The following RGS8 variants were observed in gnomAD, a reference collection of about 807,000 sequenced individuals.
RGS8 encodes the protein regulator of G protein signaling 8.
RGS8 carries 8 observed loss-of-function variants against 21.7 expected under a neutral mutation model. The ratio of observed to expected loss-of-function variants is 0.37; its 90% CI spans 0.22 to 0.66. RGS8 has a LOEUF of 0.66. RGS8 is among the 30% of genes least tolerant of loss of function. RGS8 has a pLI of 0.59. For synonymous variants in RGS8, 80 were observed against 83.6 expected (o/e 0.96, Z 0.24); for missense variants, 157 against 217.9 (o/e 0.72, Z 1.76).
the RGS8 span, among the ~76,000 whole-genome samples, chr1:182,732,261 T>A: frequency 9.7e-6 from 1 of 102,864 alleles, no homozygotes; most frequent in African/African-American, 4.6e-5. Context: ...TCTGTCTCGC[T>A]CTCTCTCTCA....
the RGS8 span, among the ~76,000 whole-genome samples, chr1:182,746,440 A>G: frequency 6.6e-6 from 1 of 152,108 alleles, no homozygotes; most frequent in Non-Finnish European, 1.5e-5. Context: ...GCCAAGGCAG[A>G]CAGATCACTT....
Position 182,650,201 on chromosome 1 carries a change from C to T in RGS8, c.194-1898G>A, listed in dbSNP as rs539598024. On this transcript the variant is annotated intron_variant, in intron 5 of 6. Transcript: ENST00000483095. ...CTGGGATTACAGGCGTGAGCCACCA[C>T]GCCCGGCCAACAACTCTTAATTCTA... Among the ~76,000 whole-genome samples, 11 of 152,310 alleles carry T rather than the reference C, an allele frequency of 7.2e-5. No homozygotes were observed. The East Asian group carries it at 1.4e-3, about 19-fold the overall frequency.
At chr1:182,720,911 G>A in the RGS8 span, among the ~76,000 whole-genome samples, 1 of 85,672 alleles carries the variant, frequency 1.2e-5, no homozygotes, top group African/African-American at 6.5e-5. Flanking sequence ...ACATATGTGT[G>A]TGTATATACA....
the RGS8 span, among the ~76,000 whole-genome samples, chr1:182,727,479 A>G: frequency 1.3e-5 from 2 of 152,220 alleles, no homozygotes; most frequent in Non-Finnish European, 2.9e-5. Flanking sequence ...AGGGAGTAAA[A>G]TTGACATTCT....
At chr1:182,655,634 T>G (rs537449904) in intron 5 of RGS8, among the ~76,000 whole-genome samples, 2 of 152,302 alleles carry the variant, frequency 1.3e-5, no homozygotes, top group South Asian at 4.1e-4. Context: ...TGTGTGACTT[T>G]GGACAACACA....
chr1:182,741,430 C>T, the RGS8 span, among the ~76,000 whole-genome samples: 3 of 132,464 alleles, frequency 2.3e-5, no homozygotes, highest in South Asian at 5.0e-4. Flanking sequence ...ACCTCCCTCC[C>T]GGACAGGGCG....
the RGS8 span, among the ~76,000 whole-genome samples, chr1:182,694,318 C>A: frequency 6.6e-6 from 1 of 152,128 alleles, no homozygotes; most frequent in Non-Finnish European, 1.5e-5. Flanking sequence ...GCCCAAATGT[C>A]TAATCTTCCC....
At chr1:182,740,872 T>C in the RGS8 span, among the ~76,000 whole-genome samples, 208 of 152,086 alleles carry the variant, frequency 1.4e-3, 1 homozygote, top group African/African-American at 4.9e-3. Flanking sequence ...GGGTTGGGGG[T>C]AAGGTCACCT....
At chr1:182,666,566 T>C (rs1232239309) in intron 4 of RGS8, among the ~76,000 whole-genome samples, 2 of 151,952 alleles carry the variant, frequency 1.3e-5, no homozygotes, top group African/African-American at 4.8e-5. Flanking sequence ...ATTTCCAAAT[T>C]GAGAGCTCAG....
At chr1:182,697,267 T>C in the RGS8 span, among the ~76,000 whole-genome samples, 2 of 152,278 alleles carry the variant, frequency 1.3e-5, no homozygotes, top group Non-Finnish European at 2.9e-5. Flanking sequence ...TACTTGAATT[T>C]ATTTCTAGAG....
At chr1:182,698,852 C>T in the RGS8 span, among the ~76,000 whole-genome samples, 5 of 152,178 alleles carry the variant, frequency 3.3e-5, no homozygotes, top group Non-Finnish European at 7.3e-5. Flanking sequence ...GCACAGAATT[C>T]ACTGCATAAA....
downstream of RGS8, chr1:182,643,472 G>T (rs190910546): frequency 6.6e-6 from 1 of 152,030 alleles, no homozygotes; most frequent in African/African-American, 2.4e-5. Flanking sequence ...TTCTGGGGTG[G>T]GACCTGGACA....
At chr1:182,733,273 T>C in the RGS8 span, among the ~76,000 whole-genome samples, 1 of 152,214 alleles carries the variant, frequency 6.6e-6, no homozygotes. Context: ...AATATTCAAG[T>C]GTGTTAAATA....
chr1:182,719,228 G>A, the RGS8 span, among the ~76,000 whole-genome samples: 3 of 152,172 alleles, frequency 2.0e-5, no homozygotes, highest in Non-Finnish European at 2.9e-5. Flanking sequence ...TAACGCTCAC[G>A]CTCATTCTTC....
At chr1:182,678,999 C>G (rs900926796) in intron 1 of RGS8, among the ~76,000 whole-genome samples, 2 of 152,226 alleles carry the variant, frequency 1.3e-5, no homozygotes, top group Non-Finnish European at 2.9e-5. Context: ...CTCCTTCCAG[C>G]TGCCCTCAGA....
At chr1:182,648,715 A>G (rs1179477099) in intron 5 of RGS8, among the ~76,000 whole-genome samples, 1 of 152,080 alleles carries the variant, frequency 6.6e-6, no homozygotes, top group Admixed American at 6.5e-5. Flanking sequence ...AATCTGGGCG[A>G]CAGAGCGAGA....
the RGS8 span, among the ~76,000 whole-genome samples, chr1:182,742,775 G>GAC: frequency 2.2e-4 from 33 of 151,752 alleles, no homozygotes; most frequent in South Asian, 8.3e-4. Flanking sequence ...CAGGGACAGG[G>GAC]AGAGGGAGAG....
In RGS8 at chr1:182,666,040, A is replaced by G; in HGVS notation, c.129-7T>C. The G allele has an allele frequency of 6.2e-7, 1 of 1,612,716 alleles. No individual in the cohort carries two copies. The highest frequency in any genetic ancestry group is 8.5e-7 in the Non-Finnish European group (1 of 1,178,720). The stretch of plus-strand genomic sequence containing the variant: ...TTCTTCTGTCGATAATCTCCTAGAA[A>G]AAAAGAAACATCTGTCTTGAATGTT... On this transcript the variant is annotated splice_region_variant and splice_polypyrimidine_tract_variant and intron_variant, in intron 4 of 6. Transcript: ENST00000483095.
the RGS8 span, among the ~76,000 whole-genome samples, chr1:182,689,666 A>T: frequency 2.6e-5 from 4 of 152,186 alleles, no homozygotes; most frequent in African/African-American, 4.8e-5. Context: ...GGTAGACAGA[A>T]AATAGGATGG....
Sources: gnomAD v4.1 joint callset for allele counts (sites outside exome capture counted in the v4.1 genomes callset) on GRCh38, gnomAD v4.1.1 for gene constraint, MANE v1.5 for transcripts, NCBI Gene and HGNC (gene_info 2026-07-23, HGNC 2026-07-21) for gene names.